COL23A1: variants seen among roughly 807,000 people sequenced by gnomAD.
COL23A1 encodes collagen alpha-1(XXIII) chain.
A neutral mutation model predicts 99.3 loss-of-function variants in COL23A1; 97 were observed. That is an observed-to-expected ratio of 0.98 (90% confidence interval 0.83 to 1.16). COL23A1 has a LOEUF of 1.16. Ranked by LOEUF, COL23A1 falls within the 50% of genes most tolerant of loss-of-function variation. The pLI is 0.00. For missense variants in COL23A1, 762 were observed against 757.4 expected (o/e 1.01, Z -0.07); for synonymous variants, 320 against 308.2 (o/e 1.04, Z -0.40).
intron 2 of COL23A1, among the ~76,000 whole-genome samples, chr5:178,358,472 C>T (rs528278720): frequency 1.2e-4 from 14 of 121,264 alleles, no homozygotes; most frequent in South Asian, 1.1e-3. Context: ...TGTGTATGTG[C>T]GTATGCGTAT....
intron 2 of COL23A1, among the ~76,000 whole-genome samples, chr5:178,489,575 G>GGGC (rs5873619): frequency 0.95 from 144,712 of 152,270 alleles, 68,822 homozygotes; most frequent in East Asian, 1. Context: ...ACAGGAAGCA[G>GGGC]TTCATCACAG....
At chr5:178,578,378 C>G (rs1763501013) in intron 1 of COL23A1, among the ~76,000 whole-genome samples, 1 of 152,152 alleles carries the variant, frequency 6.6e-6, no homozygotes, top group African/African-American at 2.4e-5. Flanking sequence ...ATCTTCCCTT[C>G]CTGACTGCAC....
At chr5:178,393,117 C>T (rs1581296803) in intron 2 of COL23A1, among the ~76,000 whole-genome samples, 2 of 152,344 alleles carry the variant, frequency 1.3e-5, no homozygotes, top group Middle Eastern at 3.4e-3. Flanking sequence ...CCGAAGTAAA[C>T]GATTTGTTGC....
chr5:178,543,899 T>C (rs1761436094), intron 2 of COL23A1, among the ~76,000 whole-genome samples: 1 of 152,084 alleles, frequency 6.6e-6, no homozygotes, highest in Non-Finnish European at 1.5e-5. Context: ...AGATTCAGCG[T>C]CTGGTGAGGC....
At chr5:178,383,869 C>T (rs1245085166) in intron 2 of COL23A1, among the ~76,000 whole-genome samples, 6 of 139,586 alleles carry the variant, frequency 4.3e-5, no homozygotes, top group South Asian at 2.2e-4. Flanking sequence ...GCAAACCTTA[C>T]GACAGAAATA....
rs1378488665 is a variant in COL23A1 at position 178,434,482 on chromosome 5, C to T, written c.361+126200G>A. Among the ~76,000 whole-genome samples, 1 of 152,218 alleles carries T rather than the reference C, an allele frequency of 6.6e-6. No individual in the cohort carries two copies. The highest frequency in any genetic ancestry group is 2.4e-5 in the African/African-American group (1 of 41,452). On this transcript the variant is annotated intron_variant, in intron 2 of 28. Transcript: ENST00000390654. This position sits in a 1 kb window ranked among gnomAD's most constrained non-coding sequence, Gnocchi z 4.3. ...GACTCTCACATGTCTGAACCTCACA[C>T]CTCATCTGTAAAATGGTGAGGTTGG... is the stretch of plus-strand genomic sequence containing the variant.
intron 2 of COL23A1, among the ~76,000 whole-genome samples, chr5:178,546,287 A>G (rs139074986): frequency 2.8e-4 from 42 of 152,256 alleles, no homozygotes; most frequent in African/African-American, 9.1e-4. Flanking sequence ...GTTCCTGCCT[A>G]AATTCCGGAA....
In COL23A1 at chr5:178,313,800, T is replaced by C. The variant is rs1561852791; in HGVS notation, c.362-6881A>G. Among the ~76,000 whole-genome samples the C allele has an allele frequency of 6.6e-6, 1 of 151,934 alleles. No homozygotes were observed. Among genetic ancestry groups the C allele is most frequent in the Non-Finnish European group, 1.5e-5 (1 of 67,964 alleles). On this transcript the variant is annotated intron_variant, in intron 2 of 28. Coordinates refer to ENST00000390654, the MANE Select transcript of COL23A1 (RefSeq NM_173465.4). This position sits in a 1 kb window ranked among gnomAD's most constrained non-coding sequence, Gnocchi z 4.2. ...CCCAGACCTTCAGTCTGGAGCTCTA[T>C]GAGATTGCTGGGGCTTCAGGGCCAT...
intron 2 of COL23A1, among the ~76,000 whole-genome samples, chr5:178,311,484 C>CTGTGTGTGTGTGTGTGTG (rs1006253790): frequency 1.9e-4 from 11 of 58,126 alleles, no homozygotes; most frequent in African/African-American, 5.4e-4. Context: ...GTTCTTTCCT[C>CTGTGTGTGTGTGTGTGTG]TGTGTGTGTG....
intron 2 of COL23A1, chr5:178,352,111 T>G (rs1400161940): frequency 2.0e-5 from 3 of 152,240 alleles, no homozygotes; most frequent in African/African-American, 7.2e-5. Context: ...AGCTAGATAC[T>G]TTCATCCTGG....
chr5:178,368,705 C>G (rs1762631786), intron 2 of COL23A1, among the ~76,000 whole-genome samples: 1 of 152,254 alleles, frequency 6.6e-6, no homozygotes. Context: ...AAGCCGTCAG[C>G]CTCCAGTCCA....
At chr5:178,521,561 A>G (rs1006026708) in intron 2 of COL23A1, among the ~76,000 whole-genome samples, 3 of 152,198 alleles carry the variant, frequency 2.0e-5, no homozygotes, top group African/African-American at 7.2e-5. Flanking sequence ...TCAAAAAAAA[A>G]AAAAAAAAAA....
At position 178,260,111 on chromosome 5, in the gene COL23A1, C is replaced by A. The variant is rs184161423; in HGVS notation, c.703-364G>T. ...GGACCAGAGCCCGCCTCCCCACCCACACCCTCCCCAAAGAGGGCGAAAATG... is the reference window on the plus strand; with the variant it reads ...GGACCAGAGCCCGCCTCCCCACCCAAACCCTCCCCAAAGAGGGCGAAAATG... On this transcript the variant is annotated intron_variant, in intron 11 of 28. Transcript: ENST00000390654. 7.0e-3 allele frequency among the ~76,000 whole-genome samples: 1,065 copies of A among 152,360 alleles called. 46 individuals are homozygous for A. The highest frequency in any genetic ancestry group is 0.061 in the Admixed American group (935 of 15,308).
chr5:178,572,709 A>C (rs1763168146), intron 1 of COL23A1, among the ~76,000 whole-genome samples: 1 of 152,248 alleles, frequency 6.6e-6, no homozygotes, highest in Admixed American at 6.5e-5. Context: ...ATAAATCCGT[A>C]CAGGGACTGG....
rs772759618 is a variant in COL23A1 at position 178,267,306 on chromosome 5, C to T, written c.522+1G>A. The T allele has an allele frequency of 1.9e-6, 3 of 1,614,058 alleles. No individual in the cohort carries two copies. Among genetic ancestry groups the T allele is most frequent in the Non-Finnish European group, 2.5e-6 (3 of 1,179,976 alleles). On this transcript the variant is annotated splice_donor_variant, in intron 8 of 28. Transcript: ENST00000390654. LOFTEE classifies it high-confidence loss of function. ...TGAGGGAGGTCATGCCTGGTTCTTA[C>T]CCGGGGGCCAAAGTCTCCTGGTGCA...
intron 2 of COL23A1, among the ~76,000 whole-genome samples, chr5:178,421,320 C>T (rs1331409551): frequency 6.6e-6 from 1 of 152,174 alleles, no homozygotes; most frequent in African/African-American, 2.4e-5. Flanking sequence ...GGATTTCCAA[C>T]CAGAACCCGC....
chr5:178,554,080 G>A (rs781110238), intron 2 of COL23A1, among the ~76,000 whole-genome samples: 3 of 152,136 alleles, frequency 2.0e-5, no homozygotes, highest in South Asian at 4.2e-4. Flanking sequence ...TCACGGAGCC[G>A]GTGAGCAACA....
intron 3 of COL23A1, among the ~76,000 whole-genome samples, chr5:178,302,022 C>T (rs532281808): frequency 4.9e-4 from 13 of 26,328 alleles, no homozygotes; most frequent in Non-Finnish European, 8.5e-4. Context: ...CAGCTTCAAT[C>T]CACCTCTGTG....
At chr5:178,273,192 C>T (rs926902476) in intron 5 of COL23A1, among the ~76,000 whole-genome samples, 13 of 152,324 alleles carry the variant, frequency 8.5e-5, no homozygotes, top group East Asian at 3.9e-4. Context: ...TAGAAGTGCC[C>T]GTGGAAGGGA....
Sources: gnomAD v4.1 joint callset for allele counts (sites outside exome capture counted in the v4.1 genomes callset) on GRCh38, gnomAD v4.1.1 for gene constraint, Gnocchi (gnomAD v3.1) non-coding constraint, MANE v1.5 for transcripts, NCBI Gene and HGNC (gene_info 2026-07-23, HGNC 2026-07-21) for gene names.